CADPS: variants seen among roughly 807,000 people sequenced by gnomAD.
CADPS encodes calcium-dependent secretion activator 1.
Under a neutral mutation model 167.3 loss-of-function variants are expected in CADPS, and 57 were observed. The ratio of observed to expected loss-of-function variants is 0.34; its 90% CI spans 0.28 to 0.42. The LOEUF (loss-of-function observed/expected upper bound fraction) is 0.42. Ranked by LOEUF, CADPS falls within the 20% of genes least tolerant of loss-of-function variation. The pLI, the probability that CADPS is intolerant of heterozygous loss-of-function variation, is 1.00. For synonymous variants in CADPS, 676 were observed against 635.3 expected (o/e 1.06, Z -0.96); for missense variants, 1,414 against 1,738.1 (o/e 0.81, Z 3.32).
chr3:62,714,859 C>T (rs1048291488), intron 3 of CADPS, among the ~76,000 whole-genome samples: 3 of 151,940 alleles, frequency 2.0e-5, no homozygotes, highest in Non-Finnish European at 2.9e-5. Context: ...AAAAGAGGCT[C>T]GAGAGAGATA....
chr3:62,776,177 A>T (rs1245801318), intron 1 of CADPS, among the ~76,000 whole-genome samples: 2 of 152,180 alleles, frequency 1.3e-5, no homozygotes, highest in Admixed American at 6.5e-5. Flanking sequence ...TACTACCAGC[A>T]AGGTAGTAGT....
rs571018090 is a variant in CADPS at position 62,417,772 on chromosome 3, G to T, written c.3778-14587C>A. The stretch of plus-strand genomic sequence containing the variant: ...ACTATAGGTCAGGAGTTCCAAGGCT[G>T]AGGTGAGCTATGATTGCACCACTGC... On this transcript the variant is annotated intron_variant, in intron 28 of 29. Coordinates refer to ENST00000383710, the MANE Select transcript of CADPS (RefSeq NM_003716.4). 3.4e-4 allele frequency among the ~76,000 whole-genome samples: 52 copies of T among 152,140 alleles called. 1 individual carries two copies. In the South Asian group the frequency reaches 7.9e-3, roughly 23 times the overall value.
intron 28 of CADPS, among the ~76,000 whole-genome samples, chr3:62,418,687 A>G (rs1207731202): frequency 1.3e-5 from 2 of 151,630 alleles, no homozygotes; most frequent in East Asian, 1.9e-4. Context: ...ATTAATATCA[A>G]CTTAAATGAA....
chr3:62,842,127 T>C (rs2153046913), intron 1 of CADPS, among the ~76,000 whole-genome samples: 1 of 152,300 alleles, frequency 6.6e-6, no homozygotes, highest in East Asian at 1.9e-4. Flanking sequence ...ATGGACCTCA[T>C]TCATTATGGG....
intron 6 of CADPS, among the ~76,000 whole-genome samples, chr3:62,636,189 T>C (rs553597007): frequency 6.6e-6 from 1 of 152,352 alleles, no homozygotes; most frequent in Non-Finnish European, 1.5e-5. Context: ...GTATCATCAG[T>C]ATTATTTTGT....
At chr3:62,789,585 A>G (rs1576433767) in intron 1 of CADPS, among the ~76,000 whole-genome samples, 1 of 152,188 alleles carries the variant, frequency 6.6e-6, no homozygotes, top group Non-Finnish European at 1.5e-5. Context: ...AGTTTTACCA[A>G]TAGGCTGGCA....
At chr3:62,513,248 T>C (rs775212480) in intron 16 of CADPS, among the ~76,000 whole-genome samples, 1 of 152,076 alleles carries the variant, frequency 6.6e-6, no homozygotes, top group Non-Finnish European at 1.5e-5. Flanking sequence ...GGCATGATTT[T>C]GCCCCAAATA....
intron 4 of CADPS, among the ~76,000 whole-genome samples, chr3:62,652,259 A>G (rs1201238190): frequency 6.6e-6 from 1 of 152,076 alleles, no homozygotes; most frequent in Non-Finnish European, 1.5e-5. Context: ...AATTGGCCAT[A>G]TTACTGGCCA....
intron 1 of CADPS, among the ~76,000 whole-genome samples, chr3:62,782,120 T>C (rs1000227883): frequency 9.2e-5 from 14 of 152,210 alleles, no homozygotes; most frequent in African/African-American, 3.4e-4. Context: ...TAAAAACATA[T>C]GTGGAAAGGA....
chr3:62,777,255 G>C (rs534442498), intron 1 of CADPS, among the ~76,000 whole-genome samples: 3 of 152,178 alleles, frequency 2.0e-5, no homozygotes, highest in Non-Finnish European at 4.4e-5. Flanking sequence ...GGTTATATGT[G>C]ACGCTAATGT....
chr3:62,701,314 TG>T (rs2151545868), intron 3 of CADPS, among the ~76,000 whole-genome samples: 1 of 152,202 alleles, frequency 6.6e-6, no homozygotes, highest in African/African-American at 2.4e-5. Context: ...GGATTGGGGC[TG>T]CAGGACTGAA....
chr3:62,712,513 A>G (rs2151825377), intron 3 of CADPS, among the ~76,000 whole-genome samples: 1 of 152,196 alleles, frequency 6.6e-6, no homozygotes, highest in East Asian at 1.9e-4. Context: ...CCCTTTGCTC[A>G]TTTTCTATTT....
At position 62,474,296 on chromosome 3, in the gene CADPS, C is replaced by T. The variant is rs1194401344; in HGVS notation, c.3354G>A (p.Lys1118=). 3 of 1,613,366 alleles carry T rather than the reference C, an allele frequency of 1.9e-6. No homozygotes were observed. The highest frequency in any genetic ancestry group is 1.7e-4 in the Middle Eastern group (1 of 6,058). ...VKRTRIAFEV[K]LQKTSRSTDF... ...CTGTTGATCGACTGGTTTTTTGCAG[C>T]TTAACTTCAAATGCAATCCTGGTTC... is the stretch of plus-strand genomic sequence containing the variant. Residue 1118 remains lysine, a synonymous_variant, in exon 24 of 30, where the codon AAG becomes AAA. Coordinates refer to ENST00000383710, the MANE Select transcript of CADPS (RefSeq NM_003716.4).
At chr3:62,521,144 C>T (rs2070464499) in intron 13 of CADPS, among the ~76,000 whole-genome samples, 1 of 152,098 alleles carries the variant, frequency 6.6e-6, no homozygotes, top group South Asian at 2.1e-4. Context: ...GGGTTGAGAA[C>T]TTGCATTTCT....
At chr3:62,500,999 C>G (rs965372459) in intron 17 of CADPS, among the ~76,000 whole-genome samples, 34 of 152,130 alleles carry the variant, frequency 2.2e-4, no homozygotes, top group Admixed American at 2.2e-3. Context: ...AAGTCTCAGT[C>G]TAACAGGGCC....
chr3:62,608,168 C>T (rs982590026), intron 6 of CADPS, among the ~76,000 whole-genome samples: 4 of 152,054 alleles, frequency 2.6e-5, no homozygotes, highest in African/African-American at 7.2e-5. Flanking sequence ...GTTAAGTTCA[C>T]CACAAGGCCT....
chr3:62,752,713 T>C (rs2082962650), intron 3 of CADPS, among the ~76,000 whole-genome samples: 1 of 152,198 alleles, frequency 6.6e-6, no homozygotes, highest in Admixed American at 6.5e-5. Flanking sequence ...AGAATGAGAA[T>C]CTCTAGGGCT....
intron 4 of CADPS, among the ~76,000 whole-genome samples, chr3:62,659,634 G>A (rs983183964): frequency 6.6e-6 from 1 of 152,206 alleles, no homozygotes; most frequent in Non-Finnish European, 1.5e-5. Context: ...ACCACTGGAA[G>A]ACAACAGCCT....
At position 62,826,822 on chromosome 3, in the gene CADPS, T is replaced by G. The variant is rs1576964947; in HGVS notation, c.441+47767A>C. 5.9e-5 allele frequency among the ~76,000 whole-genome samples: 9 copies of G among 152,306 alleles called. 1 individual carries two copies. The highest frequency in any genetic ancestry group is 5.9e-4 in the Admixed American group (9 of 15,282). ...TTTGGTTGCTAGGTAACATGGTCAC[T>G]CTGCTATTTAGGTGCAGCATCTCTA... On this transcript the variant is annotated intron_variant, in intron 1 of 29. Transcript: ENST00000383710.
Sources: allele counts gnomAD v4.1 joint callset (sites outside exome capture counted in the v4.1 genomes callset), GRCh38; gene constraint gnomAD v4.1.1; transcripts MANE v1.5; gene names NCBI Gene and HGNC (gene_info 2026-07-23, HGNC 2026-07-21).